PTPRZ1: variants seen among roughly 807,000 people sequenced by gnomAD.
PTPRZ1 encodes the protein receptor-type tyrosine-protein phosphatase zeta.
A neutral mutation model predicts 214.1 loss-of-function variants in PTPRZ1; 82 were observed. The ratio of observed to expected loss-of-function variants is 0.38; its 90% CI spans 0.32 to 0.46. The LOEUF (loss-of-function observed/expected upper bound fraction) is 0.46. Among genes scored for constraint, PTPRZ1 ranks in the 20% least tolerant of loss-of-function variants. The pLI, the probability that PTPRZ1 is intolerant of heterozygous loss-of-function variation, is 1.00. For missense variants in PTPRZ1, 2,603 were observed against 2,748.7 expected (o/e 0.95, Z 1.19); for synonymous variants, 945 against 987.9 (o/e 0.96, Z 0.81).
intron 17 of PTPRZ1, 66 bp from the exon 18 acceptor site, chr7:122,036,534 T>C: frequency 9.6e-7 from 1 of 1,044,200 alleles, no homozygotes; most frequent in South Asian, 1.5e-5. Flanking sequence ...ATTATGCAAA[T>C]ATGAATTATC....
At chr7:121,939,552 C>T (rs573195070) in intron 2 of PTPRZ1, among the ~76,000 whole-genome samples, 1 of 152,304 alleles carries the variant, frequency 6.6e-6, no homozygotes, top group Non-Finnish European at 1.5e-5. Context: ...ATAACATACT[C>T]ATATATCATT....
intron 6 of PTPRZ1, among the ~76,000 whole-genome samples, chr7:121,981,703 C>T (rs1797617889): frequency 6.6e-6 from 1 of 152,084 alleles, no homozygotes; most frequent in South Asian, 2.1e-4. Context: ...GAAAACTCTA[C>T]CAGTTTTTGG....
In PTPRZ1 at chr7:122,010,814, A is replaced by T. The variant is rs367721440; in HGVS notation, c.1768A>T (p.Ser590Cys). ...TGGAGCTGAAGATTCTTCAGGCTCC[A>T]GTCCCGCAACTTCTGCTATCCCATT... The part of the protein sequence containing the change: ...DTGAEDSSGS[S>C]PATSAIPFIS... Residue 590 changes from serine to cysteine, a missense_variant, in exon 12 of 30, where the codon AGT becomes TGT. Ser to Cys is a moderately radical substitution (Grantham distance 112). Transcript: ENST00000393386. 6.2e-7 allele frequency: 1 copy of T among 1,613,996 alleles called. No individual in the cohort carries two copies. Among genetic ancestry groups the T allele is most frequent in the Admixed American group, 1.7e-5 (1 of 59,982 alleles).
chr7:122,019,836 A>G (rs1048453616), intron 13 of PTPRZ1, among the ~76,000 whole-genome samples: 1 of 152,174 alleles, frequency 6.6e-6, no homozygotes. Flanking sequence ...CTTCGCTGTC[A>G]ATAATCTATT....
intron 17 of PTPRZ1, among the ~76,000 whole-genome samples, chr7:122,035,694 T>G (rs757949198): frequency 7.2e-5 from 11 of 152,184 alleles, no homozygotes; most frequent in Non-Finnish European, 1.2e-4. Flanking sequence ...CATTCCTGTA[T>G]CAGTGTGACC....
At position 122,025,593 on chromosome 7, in the gene PTPRZ1, AG is replaced by A. The variant is rs1799187029; in HGVS notation, c.4989-2958del. Among the ~76,000 whole-genome samples, 3 of 152,050 alleles carry A rather than the reference AG, an allele frequency of 2.0e-5. No individual in the cohort carries two copies. In the South Asian group the frequency reaches 6.2e-4, roughly 32 times the overall value. On this transcript the variant is annotated intron_variant, in intron 13 of 29. Transcript: ENST00000393386. Reference sequence around the variant, plus strand: ...TGATCTGCCTGCCTAGGCCTCCCAAAGTGCTGGGATTACAGGCATGAGCCAC... The same window carrying A: ...TGATCTGCCTGCCTAGGCCTCCCAAATGCTGGGATTACAGGCATGAGCCAC...
rs375971673 is a variant in PTPRZ1 at position 122,010,461 on chromosome 7, C to T, written c.1415C>T (p.Thr472Met). Residue 472 changes from threonine (T) to methionine (M), a missense_variant, in exon 12 of 30, where the codon ACG becomes ATG. Thr to Met is a moderately conservative substitution (Grantham distance 81, BLOSUM62 -1). This residue lies in a region of PTPRZ1 where 1,913 missense variants were observed against 1,914.3 expected (regional missense o/e 1.00). Coordinates refer to ENST00000393386, the MANE Select transcript of PTPRZ1 (RefSeq NM_002851.3). ...STTTHYNRIG[T>M]KYNEAKTNRS... ...ACAACACACTACAATCGCATAGGGA[C>T]GAAATACAATGAAGCCAAGACTAAC... The T allele has an allele frequency of 7.4e-5, 120 of 1,613,804 alleles. No individual in the cohort carries two copies. Among genetic ancestry groups the T allele is most frequent in the Non-Finnish European group, 8.5e-5 (100 of 1,179,960 alleles).
chr7:121,991,827 A>G (rs533005743), intron 8 of PTPRZ1, among the ~76,000 whole-genome samples: 2 of 152,306 alleles, frequency 1.3e-5, no homozygotes, highest in South Asian at 4.1e-4. Flanking sequence ...ATCTTTTCCA[A>G]TTACATTCAG....
chr7:121,910,384 T>C (rs1357816644), intron 1 of PTPRZ1, among the ~76,000 whole-genome samples: 1 of 152,196 alleles, frequency 6.6e-6, no homozygotes, highest in Non-Finnish European at 1.5e-5. Context: ...TTATTATGGT[T>C]TTTGTTAACT....
At chr7:121,964,613 T>C (rs1266290743) in intron 2 of PTPRZ1, among the ~76,000 whole-genome samples, 1 of 152,108 alleles carries the variant, frequency 6.6e-6, no homozygotes, top group Non-Finnish European at 1.5e-5. Context: ...CTTTTTTTTT[T>C]CTGAAGTACT....
At chr7:121,990,631 T>G (rs1797928803) in intron 8 of PTPRZ1, among the ~76,000 whole-genome samples, 1 of 148,264 alleles carries the variant, frequency 6.7e-6, no homozygotes, top group East Asian at 2.1e-4. Flanking sequence ...GCGATTCTCC[T>G]GCGTCAGCCT....
At chr7:121,908,362 TGG>T in intron 1 of PTPRZ1, 3 of 258,636 alleles carry the variant, frequency 1.2e-5, no homozygotes, top group Non-Finnish European at 2.3e-5. Flanking sequence ...TCAATCCCTT[TGG>T]AAAAGAATAT....
intron 2 of PTPRZ1, among the ~76,000 whole-genome samples, chr7:121,935,850 G>C (rs1401591099): frequency 6.6e-6 from 1 of 152,168 alleles, no homozygotes; most frequent in Non-Finnish European, 1.5e-5. Context: ...TTACAGGTAT[G>C]AGCCACCTCG....
At chr7:121,878,495 A>T (rs1289075039) in intron 1 of PTPRZ1, among the ~76,000 whole-genome samples, 1 of 152,196 alleles carries the variant, frequency 6.6e-6, no homozygotes, top group African/African-American at 2.4e-5. Flanking sequence ...TTAGCCTGCA[A>T]ACATCCTAGA....
At chr7:121,904,615 T>C (rs1277688022) in intron 1 of PTPRZ1, among the ~76,000 whole-genome samples, 1 of 152,202 alleles carries the variant, frequency 6.6e-6, no homozygotes, top group Non-Finnish European at 1.5e-5. Flanking sequence ...GAAATGTACT[T>C]TAATTCCTTA....
intron 29 of PTPRZ1, among the ~76,000 whole-genome samples, chr7:122,060,503 C>G (rs947133077): frequency 2.0e-5 from 3 of 152,206 alleles, no homozygotes; most frequent in African/African-American, 7.2e-5. Flanking sequence ...AAAACTGTTT[C>G]ATGCTTCTAT....
chr7:122,014,103 T>A (rs1798774768), intron 12 of PTPRZ1, among the ~76,000 whole-genome samples: 1 of 152,206 alleles, frequency 6.6e-6, no homozygotes, highest in Admixed American at 6.5e-5. Flanking sequence ...AATTTAATTC[T>A]CTCCAAAATA....
intron 23 of PTPRZ1, among the ~76,000 whole-genome samples, chr7:122,046,711 G>A (rs2150484283): frequency 6.6e-6 from 1 of 152,168 alleles, no homozygotes; most frequent in East Asian, 1.9e-4. Context: ...TGAGAGGTGT[G>A]GTGAGGGAGA....
rs971800065 is a variant in PTPRZ1, at chr7:122,044,651, T to C, written c.6084+83T>C. ...TCTCATTTGAGTTGACAGGGTCACG[T>C]TGAGTGGGCAGTATGGGTACAATGA... On this transcript the variant is annotated intron_variant, in intron 23 of 29. Coordinates refer to ENST00000393386, the MANE Select transcript of PTPRZ1 (RefSeq NM_002851.3). The C allele has an allele frequency of 4.9e-6, 7 of 1,428,074 alleles. 1 individual carries two copies. In the South Asian group the frequency reaches 6.5e-5, roughly 13 times the overall value. The allele number at this position is 1,428,074 out of a possible 1,614,324, so 88.5% of individuals were successfully genotyped here.
Sources: gnomAD v4.1 joint callset for allele counts (sites outside exome capture counted in the v4.1 genomes callset) on GRCh38, gnomAD v4.1.1 for gene constraint, gnomAD v4.1.1 regional missense constraint, MANE v1.5 for transcripts, NCBI Gene and HGNC (gene_info 2026-07-23, HGNC 2026-07-21) for gene names.